Variants in PKHD1 observed in about 807,000 individuals in gnomAD.
PKHD1 encodes the protein fibrocystin.
PKHD1 carries 291 observed loss-of-function variants against 412.0 expected under a neutral mutation model. The observed-to-expected ratio is 0.71, with a 90% confidence interval of 0.64 to 0.78. The LOEUF (loss-of-function observed/expected upper bound fraction) is 0.78. PKHD1 is among the 30% of genes least tolerant of loss of function. The probability of loss-of-function intolerance (pLI) is 0.00; values close to 1 mark genes in which losing one functional copy is unlikely to be tolerated. For synonymous variants in PKHD1, 1,777 were observed against 1,821.5 expected, an observed-to-expected ratio of 0.98 and a Z score of 0.62; for missense variants, 4,825 against 4,950.7, an observed-to-expected ratio of 0.97 and a Z score of 0.76.
chr6:51,847,123 C>A (rs1331557153), intron 50 of PKHD1, among the ~76,000 whole-genome samples: 1 of 152,032 alleles, frequency 6.6e-6, no homozygotes, highest in Admixed American at 6.6e-5. Context: ...CCACACCCAG[C>A]TAATTTATTT....
chr6:51,922,546 G>A (rs933811581), intron 37 of PKHD1, among the ~76,000 whole-genome samples: 6 of 152,242 alleles, frequency 3.9e-5, no homozygotes, highest in African/African-American at 1.4e-4. Flanking sequence ...TGCCCCGAGA[G>A]GTAGAGTCTA....
chr6:51,872,983 T>A (rs1776239520), intron 46 of PKHD1, among the ~76,000 whole-genome samples: 1 of 149,390 alleles, frequency 6.7e-6, no homozygotes, highest in Non-Finnish European at 1.5e-5. Flanking sequence ...AAACAAGAGT[T>A]CCAATACTAG....
At chr6:51,934,665 A>C (rs1001725883) in intron 36 of PKHD1, among the ~76,000 whole-genome samples, 1 of 147,476 alleles carries the variant, frequency 6.8e-6, no homozygotes. Flanking sequence ...AAAAAAAAAA[A>C]CTGGGACATA....
rs372253691 is a variant in PKHD1 at position 51,843,347 on chromosome 6, A to G, written c.8107+4428T>C. Among the ~76,000 whole-genome samples the G allele has an allele frequency of 8.5e-5, 13 of 152,376 alleles. No homozygotes were observed. The East Asian group carries it at 2.5e-3, about 29-fold the overall frequency. ...GGGCAAGAGAGCTGAGACTCGATGT[A>G]GGCCTCAGGCCTGGGCCTGACTGAC... On this transcript the variant is annotated intron_variant, in intron 50 of 66. Coordinates refer to ENST00000371117, the MANE Select transcript of PKHD1 (RefSeq NM_138694.4).
intron 63 of PKHD1, among the ~76,000 whole-genome samples, chr6:51,641,558 A>C (rs1769351274): frequency 6.6e-6 from 1 of 152,218 alleles, no homozygotes; most frequent in South Asian, 2.1e-4. Flanking sequence ...TATCCAAAGC[A>C]TTATAAATCA....
chr6:52,073,387 C>T, intron 7 of PKHD1, 76 bp downstream of exon 7: 2 of 897,646 alleles, frequency 2.2e-6, no homozygotes, highest in Non-Finnish European at 3.8e-6. Context: ...AATTTATTGC[C>T]ATCAGGGAAG....
At chr6:51,674,883 T>C (rs769564199) in intron 60 of PKHD1, among the ~76,000 whole-genome samples, 1 of 152,196 alleles carries the variant, frequency 6.6e-6, no homozygotes, top group Non-Finnish European at 1.5e-5. Flanking sequence ...TAGCCACATA[T>C]TTAGCAAAGA....
At chr6:51,801,567 C>T (rs1484143426) in intron 52 of PKHD1, among the ~76,000 whole-genome samples, 1 of 151,146 alleles carries the variant, frequency 6.6e-6, no homozygotes, top group Non-Finnish European at 1.5e-5. Context: ...TTTCAAAGTG[C>T]CCAGAGGCAC....
rs77121148 is a variant in PKHD1 at position 51,662,348 on chromosome 6, G to A, written c.10157-2379C>T. ...TAACATATTCTCACCACACACACACGCACACACACATACAAGTAAAAAGGT... is the reference window on the plus strand; with the variant it reads ...TAACATATTCTCACCACACACACACACACACACACATACAAGTAAAAAGGT... On this transcript the variant is annotated intron_variant, in intron 60 of 66. Transcript: ENST00000371117. 7.4e-3 allele frequency among the ~76,000 whole-genome samples: 1,115 copies of A among 151,248 alleles called. 13 individuals are homozygous for A. The highest frequency in any genetic ancestry group is 0.025 in the African/African-American group (1,049 of 41,384).
intron 60 of PKHD1, chr6:51,721,564 CAATTT>C (rs1781930209): frequency 3.0e-6 from 3 of 998,810 alleles, no homozygotes; most frequent in Non-Finnish European, 1.2e-6. Context: ...TCAACACCAC[CAATTT>C]AATATCTGAA....
chr6:51,942,458 C>A (rs1226822032), intron 36 of PKHD1, among the ~76,000 whole-genome samples: 1 of 151,652 alleles, frequency 6.6e-6, no homozygotes, highest in Non-Finnish European at 1.5e-5. Context: ...AACCTATTTT[C>A]TTCCTCACAC....
At position 52,056,891 on chromosome 6, in the gene PKHD1, A is replaced by C. The variant is rs1321627698; in HGVS notation, c.1601T>G (p.Leu534Arg). 1 of 1,612,024 alleles carries C rather than the reference A, an allele frequency of 6.2e-7. No homozygotes were observed. Among genetic ancestry groups the C allele is most frequent in the South Asian group, 1.1e-5 (1 of 91,040 alleles). The change falls in exon 17 of 67, where the codon CTG becomes CGG. Residue 534 changes from leucine to arginine, a missense_variant and splice_region_variant. Physicochemically the swap from Leu to Arg is moderately radical, Grantham distance 102. Transcript: ENST00000371117. Reference sequence around the variant, plus strand: ...TCATTTTTTGAAGAAGTCTCCCACCAGATGGGCTGTGGCATTTGCAGGGAT... The same window carrying C: ...TCATTTTTTGAAGAAGTCTCCCACCCGATGGGCTGTGGCATTTGCAGGGAT... ...QPIPANATAHLIQTTIEELLA... is the reference protein window; with the variant it reads ...QPIPANATAHRIQTTIEELLA...
Position 52,024,892 on chromosome 6 carries a change from C to T in PKHD1, c.4918G>A (p.Val1640Ile), listed in dbSNP as rs1396314967. The T allele has an allele frequency of 2.5e-6, 4 of 1,614,038 alleles. No individual in the cohort carries two copies. Among genetic ancestry groups the T allele is most frequent in the African/African-American group, 2.7e-5 (2 of 74,922 alleles). Residue 1640 changes from valine (V) to isoleucine (I), a missense_variant, in exon 32 of 67, where the codon GTA becomes ATA. Physicochemically the swap from Val to Ile is conservative, Grantham distance 29. Coordinates refer to ENST00000371117, the MANE Select transcript of PKHD1 (RefSeq NM_138694.4). ...GNGSVALEIE[V>I]DGLWYHIGVI... ...CCTATGTGATACCAAAGTCCATCTACCTCTATTTCCAGGGCAACAGAGCCA... is the reference window on the plus strand; with the variant it reads ...CCTATGTGATACCAAAGTCCATCTATCTCTATTTCCAGGGCAACAGAGCCA...
intron 43 of PKHD1, among the ~76,000 whole-genome samples, chr6:51,892,852 G>T (rs1050757310): frequency 5.3e-5 from 8 of 152,020 alleles, no homozygotes; most frequent in African/African-American, 1.9e-4. Flanking sequence ...CCTGCTTCTT[G>T]GCCTCAAGAA....
At position 52,055,604 on chromosome 6, in the gene PKHD1, G is replaced by A; in HGVS notation, c.1819C>T (p.Leu607=). 6.2e-7 allele frequency: 1 copy of A among 1,614,002 alleles called. No homozygotes were observed. The highest frequency in any genetic ancestry group is 1.1e-5 in the South Asian group (1 of 91,060). Residue 607 remains leucine (L), a synonymous_variant, in exon 19 of 67, where the codon CTA becomes TTA. Transcript: ENST00000371117. ...CTACTCACGTGTGTATACTGATCTA[G>A]CCGATAGCCCTTCTGGGCAGCCGGG... The part of the protein sequence containing the change: ...TPPAAQKGYR[L]DQYTHLCLAY...
intron 60 of PKHD1, among the ~76,000 whole-genome samples, chr6:51,728,909 T>C (rs1416414113): frequency 2.0e-5 from 3 of 152,266 alleles, no homozygotes; most frequent in Non-Finnish European, 4.4e-5. Context: ...TCAAGTTATT[T>C]AGTGCTTATC....
chr6:51,928,425 T>A (rs540162183), intron 37 of PKHD1, among the ~76,000 whole-genome samples: 147 of 152,298 alleles, frequency 9.7e-4, no homozygotes, highest in Non-Finnish European at 1.6e-3. Flanking sequence ...ATCCCTAAAA[T>A]TGTGTCGGTT....
intron 41 of PKHD1, 98 bp from the exon 42 acceptor site, chr6:51,904,140 T>C: frequency 6.1e-6 from 5 of 816,138 alleles, no homozygotes; most frequent in South Asian, 5.5e-5. Context: ...GTTGTTTTGA[T>C]TTTGTTTTTG....
At chr6:51,757,581 T>TC (rs1787229003) in intron 55 of PKHD1, among the ~76,000 whole-genome samples, 1 of 152,096 alleles carries the variant, frequency 6.6e-6, no homozygotes, top group Admixed American at 6.6e-5. Context: ...GCCCAAAGCC[T>TC]CCCCACTTTC....
Sources: allele counts gnomAD v4.1 joint callset (sites outside exome capture counted in the v4.1 genomes callset), GRCh38; gene constraint gnomAD v4.1.1; transcripts MANE v1.5; gene names NCBI Gene and HGNC (gene_info 2026-07-23, HGNC 2026-07-21).